Variants in MGAT4C observed in about 807,000 individuals in gnomAD.
MGAT4C encodes MGAT4 family member C.
MGAT4C carries 19 observed loss-of-function variants against 40.1 expected under a neutral mutation model. The observed-to-expected ratio is 0.47, with a 90% CI of 0.33 to 0.70. The LOEUF is 0.70. Among genes scored for constraint, MGAT4C ranks in the 30% least tolerant of loss-of-function variants. MGAT4C has a pLI of 0.02. For missense variants in MGAT4C, 491 were observed against 563.2 expected, an observed-to-expected ratio of 0.87 and a Z score of 1.30; for synonymous variants, 181 against 187.1, an observed-to-expected ratio of 0.97 and a Z score of 0.27.
At position 86,679,479 on chromosome 12, in the gene MGAT4C, G is replaced by T. The variant is rs143860346; in HGVS notation, c.-229+47730C>A. Among the ~76,000 whole-genome samples, 1,316 of 152,074 alleles carry T rather than the reference G, an allele frequency of 8.7e-3. 7 individuals carry two copies. Among genetic ancestry groups the T allele is most frequent in the Middle Eastern group, 0.017 (5 of 294 alleles). On this transcript the variant is annotated intron_variant, in intron 2 of 7. Coordinates refer to the MGAT4C transcript ENST00000548651. ...TGTACTATTTTGTGGCCTTTTCATG[G>T]TTCTTGAAATATGACAAGATTGTTC...
At chr12:86,476,931 G>A (rs533852765) in intron 2 of MGAT4C, among the ~76,000 whole-genome samples, 8 of 151,942 alleles carry the variant, frequency 5.3e-5, no homozygotes, top group Non-Finnish European at 1.0e-4. Context: ...TACTACACAG[G>A]GAAATGATGA....
chr12:86,213,020 G>A (rs1358701470), intron 1 of MGAT4C, among the ~76,000 whole-genome samples: 1 of 149,444 alleles, frequency 6.7e-6, no homozygotes, highest in Non-Finnish European at 1.5e-5. Flanking sequence ...TAAATTGTGT[G>A]TTTTGTAGAT....
intron 1 of MGAT4C, among the ~76,000 whole-genome samples, chr12:86,785,056 A>G (rs1385773307): frequency 6.6e-6 from 1 of 151,970 alleles, no homozygotes; most frequent in South Asian, 2.1e-4. Context: ...TCTTCTTTGT[A>G]TTATCTTCCT....
At chr12:86,583,298 T>C (rs1960870598) in intron 2 of MGAT4C, among the ~76,000 whole-genome samples, 1 of 151,328 alleles carries the variant, frequency 6.6e-6, no homozygotes, top group Admixed American at 6.6e-5. Flanking sequence ...ATGAGTTTCC[T>C]ACAAAGGGAC....
chr12:86,715,314 G>T (rs986460521), intron 2 of MGAT4C, among the ~76,000 whole-genome samples: 7 of 152,058 alleles, frequency 4.6e-5, no homozygotes, highest in African/African-American at 1.7e-4. Flanking sequence ...ATGCTAATTT[G>T]TACACTTAGA....
rs377116519 is a variant in MGAT4C, at chr12:86,530,661, A to G, written c.-228-95396T>C. On this transcript the variant is annotated intron_variant, in intron 2 of 7. Coordinates refer to the MGAT4C transcript ENST00000548651. The stretch of plus-strand genomic sequence containing the variant: ...TAATGTAGACACACATTAGTTCAAC[A>G]AAGTACTCATGTTTCAAAAAGCAAT... Among the ~76,000 whole-genome samples the G allele has an allele frequency of 5.9e-5, 9 of 152,070 alleles. No homozygotes were observed. In the East Asian group the frequency reaches 1.7e-3, roughly 29 times the overall value.
At chr12:86,645,634 A>G (rs528476491) in intron 2 of MGAT4C, among the ~76,000 whole-genome samples, 37 of 151,956 alleles carry the variant, frequency 2.4e-4, no homozygotes, top group African/African-American at 7.7e-4. Flanking sequence ...CAGTGGAATT[A>G]TGTGGAAGCA....
chr12:86,254,290 C>T (rs1952426759), intron 1 of MGAT4C, among the ~76,000 whole-genome samples: 1 of 151,678 alleles, frequency 6.6e-6, no homozygotes, highest in Admixed American at 6.6e-5. Flanking sequence ...CGTGTACTTG[C>T]GTTGTATAAA....
At chr12:86,285,950 A>G (rs972172745) in intron 4 of MGAT4C, among the ~76,000 whole-genome samples, 9 of 152,130 alleles carry the variant, frequency 5.9e-5, no homozygotes, top group African/African-American at 2.2e-4. Context: ...ATTGATTATA[A>G]GACATACCCA....
chr12:86,487,755 AT>A lies in MGAT4C; in HGVS notation c.-228-52491del, dbSNP rs371289359. Among the ~76,000 whole-genome samples the A allele has an allele frequency of 1.3e-3, 205 of 152,324 alleles. 4 individuals carry two copies. Among genetic ancestry groups the A allele is most frequent in the African/African-American group, 4.6e-3 (193 of 41,580 alleles). On this transcript the variant is annotated intron_variant, in intron 2 of 7. Transcript: ENST00000548651. ...AGCTTCCAATTTTATTCTAAATACT[AT>A]TCTTTCCTGAAAGTTTCCCAGGAGA...
chr12:86,577,445 T>G (rs1960608313), intron 2 of MGAT4C, among the ~76,000 whole-genome samples: 1 of 151,838 alleles, frequency 6.6e-6, no homozygotes. Flanking sequence ...TTTGGGTCTG[T>G]CGTATATGGC....
At chr12:86,447,459 G>A (rs1467274809) in intron 2 of MGAT4C, among the ~76,000 whole-genome samples, 3 of 152,132 alleles carry the variant, frequency 2.0e-5, no homozygotes, top group African/African-American at 7.2e-5. Flanking sequence ...GAAACAACTT[G>A]GCTATCCAAG....
At chr12:86,712,842 T>C (rs1454536193) in intron 2 of MGAT4C, among the ~76,000 whole-genome samples, 1 of 152,120 alleles carries the variant, frequency 6.6e-6, no homozygotes, top group East Asian at 1.9e-4. Flanking sequence ...ACAGAGTCTA[T>C]ATTTTTCCAC....
rs141705315 is a variant in MGAT4C at position 86,745,997 on chromosome 12, G to C, written c.-261-18756C>G. On this transcript the variant is annotated intron_variant, in intron 1 of 7. Transcript: ENST00000548651. ...TGAAGTGGTGTTTGCTCCAGCCTCA[G>C]TGAGGACTATTACTGGAGTTTGTTC... Among the ~76,000 whole-genome samples, 67 of 151,758 alleles carry C rather than the reference G, an allele frequency of 4.4e-4. 1 individual carries two copies. Among genetic ancestry groups the C allele is most frequent in the Admixed American group, 1.3e-3 (20 of 15,182 alleles).
At chr12:86,700,693 T>C (rs1950346905) in intron 2 of MGAT4C, among the ~76,000 whole-genome samples, 1 of 152,136 alleles carries the variant, frequency 6.6e-6, no homozygotes, top group South Asian at 2.1e-4. Flanking sequence ...ATAACTTTCC[T>C]GTGGAATGCC....
intron 2 of MGAT4C, among the ~76,000 whole-genome samples, chr12:86,649,242 G>A (rs1963630078): frequency 6.6e-6 from 1 of 151,522 alleles, no homozygotes; most frequent in Non-Finnish European, 1.5e-5. Context: ...TAAGCTTCAG[G>A]GAATTTCATT....
chr12:86,554,431 T>C (rs745889580), intron 2 of MGAT4C, among the ~76,000 whole-genome samples: 1 of 152,180 alleles, frequency 6.6e-6, no homozygotes, highest in Non-Finnish European at 1.5e-5. Flanking sequence ...ATTAACTCAT[T>C]TTTTGTCTAC....
intron 2 of MGAT4C, among the ~76,000 whole-genome samples, chr12:86,036,827 T>C (rs988990515): frequency 2.7e-5 from 4 of 149,838 alleles, no homozygotes; most frequent in Non-Finnish European, 6.0e-5. Context: ...TAGGGAGGTG[T>C]CCCCCTTTTT....
intron 1 of MGAT4C, among the ~76,000 whole-genome samples, chr12:86,742,339 C>T (rs1406567260): frequency 4.0e-5 from 6 of 151,442 alleles, no homozygotes; most frequent in Non-Finnish European, 7.4e-5. Context: ...AGTATACTTC[C>T]TTAATTGATT....
Sources: allele counts gnomAD v4.1 joint callset (sites outside exome capture counted in the v4.1 genomes callset), GRCh38; gene constraint gnomAD v4.1.1; transcripts MANE v1.5; gene names NCBI Gene and HGNC (gene_info 2026-07-23, HGNC 2026-07-21).